The following CPXM2 variants were observed in gnomAD, a reference collection of about 807,000 sequenced individuals.
The protein encoded by CPXM2 is carboxypeptidase X, M14 family member 2, also known as inactive carboxypeptidase-like protein X2.
Under a neutral mutation model 86.1 loss-of-function variants are expected in CPXM2, and 66 were observed. The observed-to-expected ratio is 0.77, with a 90% confidence interval of 0.63 to 0.94. CPXM2 has a LOEUF of 0.94. Among genes scored for constraint, CPXM2 ranks in the 40% least tolerant of loss-of-function variants. The probability of loss-of-function intolerance (pLI) is 0.00; values close to 1 mark genes in which losing one functional copy is unlikely to be tolerated. For missense variants in CPXM2, 948 were observed against 1,026.3 expected (o/e 0.92, Z 1.04); for synonymous variants, 388 against 400.2 (o/e 0.97, Z 0.36).
chr10:123,748,680 T>A (rs1197024950), intron 13 of CPXM2, among the ~76,000 whole-genome samples: 3 of 152,068 alleles, frequency 2.0e-5, no homozygotes, highest in Admixed American at 1.3e-4. Flanking sequence ...TTTAATGAAA[T>A]GGCAAGTTCT....
At chr10:123,822,439 A>G (rs1323146467) in intron 4 of CPXM2, among the ~76,000 whole-genome samples, 1 of 152,180 alleles carries the variant, frequency 6.6e-6, no homozygotes, top group Non-Finnish European at 1.5e-5. Context: ...TCTAGTGGAG[A>G]ACATAGAGAT....
rs1436082042 is a variant in CPXM2, at chr10:123,891,217, T to C, written c.304+139A>G. ...CGGCAGGAAGCGCAGATACAGTCCC[T>C]AGGGAGGCAGAGGCGGCAACAGGGA... On this transcript the variant is annotated intron_variant, in intron 1 of 13. Coordinates refer to ENST00000241305, the MANE Select transcript of CPXM2 (RefSeq NM_198148.3). The surrounding 1 kb of genome is among the most constrained non-coding windows in gnomAD (Gnocchi z 5.6). 15 of 711,640 alleles carry C rather than the reference T, an allele frequency of 2.1e-5. No homozygotes were observed. The East Asian group carries it at 3.6e-4, about 17-fold the overall frequency. 44.1% of individuals were successfully genotyped at this position (711,640 alleles called of 1,614,324 possible). A position where few individuals can be genotyped will look rare whatever the true frequency, so the allele number is the denominator to read the frequency against.
chr10:123,871,471 T>C (rs906091502), intron 2 of CPXM2, among the ~76,000 whole-genome samples: 1 of 152,234 alleles, frequency 6.6e-6, no homozygotes, highest in East Asian at 1.9e-4. Context: ...CAAAAGAACA[T>C]TTCTCAACCC....
chr10:123,788,878 GAAAAA>G (rs11461379), intron 6 of CPXM2, among the ~76,000 whole-genome samples: 1 of 138,864 alleles, frequency 7.2e-6, no homozygotes, highest in Non-Finnish European at 1.5e-5. Flanking sequence ...CACCTTGATT[GAAAAA>G]AAAAAAAAAA....
intron 2 of CPXM2, among the ~76,000 whole-genome samples, chr10:123,904,611 G>A (rs938663959): frequency 1.3e-5 from 2 of 152,182 alleles, no homozygotes; most frequent in Non-Finnish European, 1.5e-5. Flanking sequence ...CTAGCACAAT[G>A]CTTGGCATGG....
In CPXM2 at chr10:123,842,351, C is replaced by G; in HGVS notation, c.651G>C (p.Trp217Cys). The G allele has an allele frequency of 6.2e-7, 1 of 1,614,238 alleles. No individual in the cohort carries two copies. Among genetic ancestry groups the G allele is most frequent in the Non-Finnish European group, 8.5e-7 (1 of 1,180,050 alleles). ...GVITQGRNSL[W>C]LSDWVTSYKV... is the part of the protein sequence containing the mutation. The stretch of plus-strand genomic sequence containing the variant: ...AGCATATGTCCAGGTACACTCACAG[C>G]CAGAGGGAGTTCCTCCCTTGAGTGA... Residue 217 changes from tryptophan to cysteine, a missense_variant and splice_region_variant, in exon 4 of 14, where the codon TGG becomes TGC. By Grantham distance (215) the Trp-to-Cys change is radical. Transcript: ENST00000241305.
intron 6 of CPXM2, among the ~76,000 whole-genome samples, chr10:123,787,484 C>T (rs1476586303): frequency 6.6e-6 from 1 of 152,152 alleles, no homozygotes; most frequent in Non-Finnish European, 1.5e-5. Flanking sequence ...CAGGCACCCA[C>T]CACCACGCCC....
Position 123,865,010 on chromosome 10 carries a change from G to A in CPXM2, c.404-2287C>T, listed in dbSNP as rs139201770. Among the ~76,000 whole-genome samples, 134 of 152,214 alleles carry A rather than the reference G, an allele frequency of 8.8e-4. No homozygotes were observed. Among genetic ancestry groups the A allele is most frequent in the African/African-American group, 3.1e-3 (127 of 41,516 alleles). ...TGCCCTCTCACGGGCTGAGTTTCCC[G>A]CCGCCAGCAGTGCTGGCAGCTGCCA... On this transcript the variant is annotated intron_variant, in intron 2 of 13. Coordinates refer to ENST00000241305, the MANE Select transcript of CPXM2 (RefSeq NM_198148.3). This position sits in a 1 kb window ranked among gnomAD's most constrained non-coding sequence, Gnocchi z 4.7.
rs1177421889 is a variant in CPXM2 at position 123,766,961 on chromosome 10, A to G, written c.1479+12T>C. The G allele has an allele frequency of 1.2e-6, 2 of 1,609,416 alleles. No homozygotes were observed. Among genetic ancestry groups the G allele is most frequent in the African/African-American group, 1.3e-5 (1 of 74,834 alleles). On this transcript the variant is annotated intron_variant, in intron 10 of 13. Coordinates refer to ENST00000241305, the MANE Select transcript of CPXM2 (RefSeq NM_198148.3). Reference sequence around the variant, plus strand: ...TTTGGCTGCTTTACAGATGACGGGTATTTTGACTCACCGTGGCATTTTCCG... The same window carrying G: ...TTTGGCTGCTTTACAGATGACGGGTGTTTTGACTCACCGTGGCATTTTCCG...
At position 123,754,717 on chromosome 10, in the gene CPXM2, C is replaced by T. The variant is rs562507770; in HGVS notation, c.1963G>A (p.Gly655Arg). ...KGLVRDSHGK[G>R]IPNAIISVEG... The stretch of plus-strand genomic sequence containing the variant: ...ACGGAGATAATGGCGTTTGGGATTC[C>T]TTTTCCATGTGAATCTCTCACCAAG... Residue 655 changes from glycine to arginine, a missense_variant, in exon 13 of 14, where the codon GGA becomes AGA. Gly to Arg is a moderately radical substitution (Grantham distance 125, BLOSUM62 -2). Transcript: ENST00000241305. This position sits in a 1 kb window ranked among gnomAD's most constrained non-coding sequence, Gnocchi z 4.0. The T allele has an allele frequency of 6.2e-7, 1 of 1,611,808 alleles. No homozygotes were observed. The highest frequency in any genetic ancestry group is 1.1e-5 in the South Asian group (1 of 91,028).
intron 11 of CPXM2, among the ~76,000 whole-genome samples, chr10:123,757,973 T>C (rs1046410473): frequency 1.1e-4 from 16 of 151,698 alleles, no homozygotes; most frequent in African/African-American, 3.9e-4. Context: ...CAGGACCTTG[T>C]ATGTGTCTGG....
chr10:123,794,883 C>G (rs1301304581), intron 6 of CPXM2, among the ~76,000 whole-genome samples: 2 of 151,860 alleles, frequency 1.3e-5, no homozygotes, highest in Non-Finnish European at 2.9e-5. Flanking sequence ...GATTCTTGTG[C>G]CTCACCCTCC....
intron 2 of CPXM2, among the ~76,000 whole-genome samples, chr10:123,867,619 A>G (rs144997752): frequency 0.02 from 2,607 of 132,734 alleles, 70 homozygotes; most frequent in South Asian, 0.093. Flanking sequence ...CGCAACCTCC[A>G]CCTCCCAGGT....
At chr10:123,852,055 C>T (rs28599786) in intron 3 of CPXM2, among the ~76,000 whole-genome samples, 37,353 of 151,896 alleles carry the variant, frequency 0.25, 4,849 homozygotes, top group East Asian at 0.41. Flanking sequence ...TTAGAGACTT[C>T]GGAAGGAGCG....
At chr10:123,795,403 T>C (rs950402653) in intron 6 of CPXM2, among the ~76,000 whole-genome samples, 27 of 151,346 alleles carry the variant, frequency 1.8e-4, no homozygotes, top group African/African-American at 4.6e-4. Context: ...CACAGGAAGA[T>C]AGTGAGGGAA....
intron 2 of CPXM2, among the ~76,000 whole-genome samples, chr10:123,901,733 CA>C (rs1364193306): frequency 1.3e-5 from 2 of 152,096 alleles, no homozygotes; most frequent in African/African-American, 2.4e-5. Context: ...TCCTGAAAAA[CA>C]ATACCTCTGT....
chr10:123,894,863 G>A (rs923097780), upstream of CPXM2, among the ~76,000 whole-genome samples: 12 of 152,164 alleles, frequency 7.9e-5, no homozygotes, highest in East Asian at 5.8e-4. Flanking sequence ...ATGGGAATCC[G>A]TGCTCAGCAG....
intron 7 of CPXM2, among the ~76,000 whole-genome samples, chr10:123,778,447 G>C (rs1199593766): frequency 6.6e-6 from 1 of 152,150 alleles, no homozygotes; most frequent in African/African-American, 2.4e-5. Context: ...GCTGAGCTGT[G>C]GGATCGCACA....
chr10:123,897,946 C>T (rs1220982511), intron 2 of CPXM2, among the ~76,000 whole-genome samples: 1 of 152,208 alleles, frequency 6.6e-6, no homozygotes, highest in Admixed American at 6.5e-5. Context: ...AGGTACGGGG[C>T]TCTCTGAAAC....
Sources: allele counts gnomAD v4.1 joint callset (sites outside exome capture counted in the v4.1 genomes callset), GRCh38; gene constraint gnomAD v4.1.1; non-coding constraint Gnocchi (gnomAD v3.1); transcripts MANE v1.5; gene names NCBI Gene and HGNC (gene_info 2026-07-23, HGNC 2026-07-21).